ERI2: variants seen among roughly 807,000 people sequenced by gnomAD.
ERI2 encodes the protein ERI1 exoribonuclease 2.
A neutral mutation model predicts 46.8 loss-of-function variants in ERI2; 35 were observed. That is an observed-to-expected ratio of 0.75 (90% CI 0.57 to 0.99). The LOEUF is 0.99. ERI2 is among the 50% of genes least tolerant of loss of function. The probability of loss-of-function intolerance (pLI) is 0.00; values close to 1 mark genes in which losing one functional copy is unlikely to be tolerated. For missense variants in ERI2, 695 were observed against 796.2 expected (o/e 0.87, Z 1.53); for synonymous variants, 224 against 271.0 (o/e 0.83, Z 1.70).
chr16:20,798,534 G>C lies in ERI2; in HGVS notation c.1266C>G (p.Asn422Lys). 1.3e-6 allele frequency: 2 copies of C among 1,551,504 alleles called. No homozygotes were observed. Among genetic ancestry groups the C allele is most frequent in the Non-Finnish European group, 1.7e-6 (2 of 1,146,882 alleles). ...CACTAATGGGAACTGTACAGTCTACGTTTTCCTCAGGCTGAGATGCTGGCA... is the reference window on the plus strand; with the variant it reads ...CACTAATGGGAACTGTACAGTCTACCTTTTCCTCAGGCTGAGATGCTGGCA... ...VLLPASQPEENVDCTVPISDS... is the reference protein window; with the variant it reads ...VLLPASQPEEKVDCTVPISDS... The change falls in exon 9 of 9, where the codon AAC (asparagine) becomes AAG (lysine). Residue 422 changes from asparagine (N) to lysine (K), a missense_variant. By Grantham distance (94) the Asn-to-Lys change is moderately conservative. Transcript: ENST00000357967.
chr16:20,789,469 G>A (rs758334537), intron 10 of ERI2: 14 of 1,599,026 alleles, frequency 8.8e-6, no homozygotes, highest in Non-Finnish European at 1.2e-5. Context: ...CAAGGCTGTG[G>A]CTTACTTACC....
chr16:20,796,221 G>A, downstream of ERI2: 1 of 1,345,118 alleles, frequency 7.4e-7, no homozygotes, highest in South Asian at 1.6e-5. Flanking sequence ...GAAGTGGCTG[G>A]CTTAAGAGCA....
At chr16:20,784,898 A>G (rs1404459527) in intron 10 of ERI2, 9 of 1,455,380 alleles carry the variant, frequency 6.2e-6, no homozygotes, top group African/African-American at 2.9e-5. Context: ...AAAACATTTT[A>G]TATTGAAGTT....
intron 4 of ERI2, among the ~76,000 whole-genome samples, chr16:20,801,817 G>A (rs1014329572): frequency 6.6e-6 from 1 of 151,774 alleles, no homozygotes; most frequent in African/African-American, 2.4e-5. Flanking sequence ...GGAGTGCAGT[G>A]GCATGATCTC....
intron 10 of ERI2, chr16:20,781,234 G>A: frequency 1.5e-6 from 2 of 1,371,810 alleles, no homozygotes; most frequent in Non-Finnish European, 2.0e-6. Context: ...TAGACAATAT[G>A]ATTTAAGATA....
At chr16:20,783,840 C>T (rs1480961670) in intron 10 of ERI2, among the ~76,000 whole-genome samples, 1 of 149,386 alleles carries the variant, frequency 6.7e-6, no homozygotes, top group Non-Finnish European at 1.5e-5. Flanking sequence ...CGGAGTCTTG[C>T]TCTGTTGCCC....
chr16:20,789,349 G>A lies in ERI2; in HGVS notation c.894+130C>T, dbSNP rs1200243539. 5.7e-6 allele frequency: 4 copies of A among 707,420 alleles called. No individual in the cohort carries two copies. The East Asian group carries it at 1.0e-4, about 18-fold the overall frequency. 43.8% of individuals were successfully genotyped at this position (707,420 alleles called of 1,614,324 possible). ...ACAGTGAGGAATAGGTACATGTCAA[G>A]TACTTAAAGGTTTAGCATTAATTAC... is the stretch of plus-strand genomic sequence containing the variant. On this transcript the variant is annotated intron_variant, in intron 10 of 10. Transcript: ENST00000300005.
At chr16:20,792,445 T>C (rs755474030), downstream of ERI2, 6 of 1,551,080 alleles carry the variant, frequency 3.9e-6, no homozygotes, top group African/African-American at 5.5e-5. Context: ...TTACTAAATA[T>C]GCAAGTCAGA....
intron 3 of ERI2, 30 bp from the exon 4 acceptor site, chr16:20,802,953 G>A (rs915081371): frequency 3.9e-6 from 6 of 1,527,214 alleles, no homozygotes; most frequent in African/African-American, 1.4e-5. Flanking sequence ...ATTGACAGTT[G>A]AATAAATAAT....
intron 7 of ERI2, chr16:20,799,602 C>A: frequency 2.0e-6 from 1 of 491,554 alleles, no homozygotes. Context: ...GACAGTTCCC[C>A]AAAATGTGGC....
intron 10 of ERI2, chr16:20,786,051 A>G (rs2080467433): frequency 9.1e-6 from 13 of 1,432,618 alleles, no homozygotes; most frequent in Non-Finnish European, 1.2e-5. Flanking sequence ...TTGTAATGTT[A>G]TCTTACTTTT....
chr16:20,785,213 GTGGTTAGAAAA>G, intron 10 of ERI2: 2 of 1,462,414 alleles, frequency 1.4e-6, no homozygotes, highest in Non-Finnish European at 1.9e-6. Context: ...TAGGAGTTGA[GTGGTTAGAAAA>G]TGTTTAAAAA....
intron 10 of ERI2, chr16:20,781,630 G>T (rs2080354714): frequency 9.6e-7 from 1 of 1,043,278 alleles, no homozygotes; most frequent in Admixed American, 1.7e-5. Flanking sequence ...TGTTTAAATT[G>T]TGCTGCGTCA....
chr16:20,786,057 C>G (rs2080467740), intron 10 of ERI2: 3 of 1,464,194 alleles, frequency 2.0e-6, no homozygotes, highest in Non-Finnish European at 1.8e-6. Flanking sequence ...TGTTATCTTA[C>G]TTTTTCTTCT....
In ERI2 at chr16:20,799,311, T is replaced by C; in HGVS notation, c.684A>G (p.Lys228=). 6.2e-7 allele frequency: 1 copy of C among 1,613,760 alleles called. No homozygotes were observed. Among genetic ancestry groups the C allele is most frequent in the Non-Finnish European group, 8.5e-7 (1 of 1,179,730 alleles). Residue 228 remains lysine (K), a synonymous_variant, in exon 8 of 9, where the codon AAA becomes AAG. Coordinates refer to ENST00000357967, the MANE Select transcript of ERI2 (RefSeq NM_001142725.2). ...TCATTACACAACCATCTCTGATCAT[T>C]TTCCAAGCAAGAAGGGCAGTATTCC... ...DSRNTALLAW[K]MIRDGCVMKI... is the part of the protein sequence containing the mutation.
intron 10 of ERI2, chr16:20,780,774 C>T: frequency 6.2e-7 from 1 of 1,614,212 alleles, no homozygotes; most frequent in Non-Finnish European, 8.5e-7. Context: ...TGGCCATATT[C>T]TTTACCAGTG....
At position 20,797,114 on chromosome 16, in the gene ERI2, T is replaced by C; in HGVS notation, c.*610A>G. On this transcript the variant is annotated 3_prime_UTR_variant, in exon 9 of 9. Coordinates refer to ENST00000357967, the MANE Select transcript of ERI2 (RefSeq NM_001142725.2). ...TTTAAAATATCTTGTGGTTATGATA[T>C]CAGAGGCTAAATTTTGAAATAAAAT... is the stretch of plus-strand genomic sequence containing the variant. 1 of 1,382,558 alleles carries C rather than the reference T, an allele frequency of 7.2e-7. No individual in the cohort carries two copies. The highest frequency in any genetic ancestry group is 2.9e-5 in the East Asian group (1 of 34,612). 85.6% of individuals were successfully genotyped at this position (1,382,558 alleles called of 1,614,324 possible).
At chr16:20,789,287 T>G (rs970774777) in intron 10 of ERI2, among the ~76,000 whole-genome samples, 4 of 152,206 alleles carry the variant, frequency 2.6e-5, no homozygotes, top group Non-Finnish European at 4.4e-5. Context: ...TTTCCTCATG[T>G]GTCAAATGGG....
At chr16:20,802,395 T>G (rs186035446) in intron 4 of ERI2, among the ~76,000 whole-genome samples, 1 of 151,984 alleles carries the variant, frequency 6.6e-6, no homozygotes, top group East Asian at 1.9e-4. Flanking sequence ...CTAATCTTAT[T>G]TATTTATTTA....
Sources: gnomAD v4.1 joint callset for allele counts (sites outside exome capture counted in the v4.1 genomes callset) on GRCh38, gnomAD v4.1.1 for gene constraint, MANE v1.5 for transcripts, NCBI Gene and HGNC (gene_info 2026-07-23, HGNC 2026-07-21) for gene names.